Variants in INTS8 observed in about 807,000 individuals in gnomAD.
INTS8 encodes integrator complex subunit 8.
INTS8 carries 47 observed loss-of-function variants against 138.9 expected under a neutral mutation model. The ratio of observed to expected loss-of-function variants is 0.34; its 90% CI spans 0.27 to 0.43. The LOEUF (loss-of-function observed/expected upper bound fraction) is 0.43, where lower values mean the gene tolerates loss of function less well. INTS8 is among the 20% of genes least tolerant of loss of function. The probability of loss-of-function intolerance (pLI) is 1.00; values close to 1 mark genes in which losing one functional copy is unlikely to be tolerated. For missense variants in INTS8, 996 were observed against 1,173.0 expected (o/e 0.85, Z 2.20); for synonymous variants, 392 against 400.9 (o/e 0.98, Z 0.27).
intron 5 of INTS8, among the ~76,000 whole-genome samples, chr8:94,830,916 G>T (rs918748795): frequency 6.6e-6 from 1 of 152,040 alleles, no homozygotes; most frequent in Non-Finnish European, 1.5e-5. Context: ...TTCTGCCTCA[G>T]TCTCCCAGGT....
intron 16 of INTS8, among the ~76,000 whole-genome samples, chr8:94,864,352 A>G (rs1816100060): frequency 6.6e-6 from 1 of 152,168 alleles, no homozygotes; most frequent in Non-Finnish European, 1.5e-5. Flanking sequence ...TATCCTTGCT[A>G]CTGCACCCTC....
intron 2 of INTS8, among the ~76,000 whole-genome samples, chr8:94,826,352 G>T (rs573474012): frequency 2.5e-3 from 387 of 151,788 alleles, no homozygotes; most frequent in Middle Eastern, 0.017. Context: ...CGCGATATTC[G>T]CTCACTGCAA....
At chr8:94,852,101 C>T (rs1004646753) in intron 13 of INTS8, among the ~76,000 whole-genome samples, 3 of 151,988 alleles carry the variant, frequency 2.0e-5, no homozygotes, top group South Asian at 2.1e-4. Context: ...TGTCACCATG[C>T]CCGGCTAATT....
chr8:94,823,291 T>G lies in INTS8; in HGVS notation c.-141T>G. On this transcript the variant is annotated 5_prime_UTR_variant, in exon 1 of 27. Coordinates refer to ENST00000523731, the MANE Select transcript of INTS8 (RefSeq NM_017864.4). ...CAGCTCCGGCTGGCCCGCGCCGCCA[T>G]TTTGGATTGTGTGAGTTTCCGGGAC... 3.6e-5 allele frequency: 54 copies of G among 1,487,144 alleles called. No homozygotes were observed. The highest frequency in any genetic ancestry group is 1.0e-4 in the East Asian group (4 of 38,932). The allele number at this position is 1,487,144 out of a possible 1,614,324, so 92.1% of individuals were successfully genotyped here.
At chr8:94,865,050 G>A (rs563122070) in intron 16 of INTS8, among the ~76,000 whole-genome samples, 1 of 151,556 alleles carries the variant, frequency 6.6e-6, no homozygotes, top group East Asian at 1.9e-4. Context: ...GTATGTGTGT[G>A]TATTTGCACG....
chr8:94,877,659 A>G (rs1816610476), intron 26 of INTS8, among the ~76,000 whole-genome samples: 1 of 152,146 alleles, frequency 6.6e-6, no homozygotes, highest in Admixed American at 6.5e-5. Flanking sequence ...CCTGAGCTTT[A>G]CAAGTCCTTG....
chr8:94,880,200 A>C lies in INTS8; in HGVS notation c.2954A>C (p.Lys985Thr), dbSNP rs915237699. ...LQLAAQRRKK[K>T]FLQAMAKLYF ...CTGGCAGCGCAGAGAAGGAAAAAAAAGTTTCTCCAAGCAATGGCAAAACTT... is the reference window on the plus strand; with the variant it reads ...CTGGCAGCGCAGAGAAGGAAAAAAACGTTTCTCCAAGCAATGGCAAAACTT... Residue 985 changes from lysine (K) to threonine (T), a missense_variant, in exon 27 of 27, where the codon AAG (lysine) becomes ACG (threonine). By Grantham distance (78) the Lys-to-Thr change is moderately conservative. Transcript: ENST00000523731. The C allele has an allele frequency of 6.2e-7, 1 of 1,609,222 alleles. No homozygotes were observed. Among genetic ancestry groups the C allele is most frequent in the South Asian group, 1.1e-5 (1 of 90,170 alleles).
At position 94,857,099 on chromosome 8, in the gene INTS8, G is replaced by T. The variant is rs1011591298; in HGVS notation, c.1954+121G>T. ...TTTTTTTTTTTTTTTTTGAGATGGA[G>T]TGTAGCTCTGTCACCCAGGCTGGAG... is the stretch of plus-strand genomic sequence containing the variant. On this transcript the variant is annotated intron_variant, in intron 15 of 26. Coordinates refer to ENST00000523731, the MANE Select transcript of INTS8 (RefSeq NM_017864.4). The T allele has an allele frequency of 7.3e-5, 52 of 711,184 alleles. No homozygotes were observed. The African/African-American group carries it at 9.4e-4, about 13-fold the overall frequency. 44.1% of individuals were successfully genotyped at this position (711,184 alleles called of 1,614,324 possible).
At chr8:94,832,737 C>T (rs149528670) in intron 6 of INTS8, among the ~76,000 whole-genome samples, 5,107 of 152,094 alleles carry the variant, frequency 0.034, 90 homozygotes, top group Non-Finnish European at 0.04. Context: ...TCACTGCAAA[C>T]TCCGCCTCCC....
intron 10 of INTS8, among the ~76,000 whole-genome samples, chr8:94,843,698 G>A (rs1274974530): frequency 6.6e-6 from 1 of 151,818 alleles, no homozygotes. Context: ...GTTGTTTATA[G>A]TTTTTGCCGC....
At chr8:94,831,056 A>G (rs1168828543) in intron 5 of INTS8, among the ~76,000 whole-genome samples, 1 of 152,128 alleles carries the variant, frequency 6.6e-6, no homozygotes, top group Non-Finnish European at 1.5e-5. Flanking sequence ...TTGGGCTCCT[A>G]AAGTGCTGGG....
At chr8:94,857,016 G>T (rs1276367333) in intron 15 of INTS8, 38 bp downstream of exon 15, 2 of 1,401,126 alleles carry the variant, frequency 1.4e-6, no homozygotes, top group Non-Finnish European at 2.0e-6. Context: ...CAGAAACTCA[G>T]TACTCACATA....
intron 8 of INTS8, among the ~76,000 whole-genome samples, 168 bp downstream of exon 8, chr8:94,838,786 T>C (rs538179302): frequency 1.7e-4 from 26 of 152,240 alleles, no homozygotes; most frequent in African/African-American, 5.8e-4. Flanking sequence ...AAGATTCTTA[T>C]GAGAATCTAG....
Position 94,829,153 on chromosome 8 carries a change from G to C in INTS8, c.570+127G>C, listed in dbSNP as rs1013121041. 2.0e-5 allele frequency: 14 copies of C among 684,388 alleles called. No individual in the cohort carries two copies. The African/African-American group carries it at 2.4e-4, about 12-fold the overall frequency. The allele number at this position is 684,388 out of a possible 1,614,324, so 42.4% of individuals were successfully genotyped here. ...TTCCAGGAAACTGGATGTGGTGTGG[G>C]GGGCGGGGGGCGAGGATGATTTCAG... On this transcript the variant is annotated intron_variant, in intron 5 of 26. Coordinates refer to ENST00000523731, the MANE Select transcript of INTS8 (RefSeq NM_017864.4).
chr8:94,871,932 A>G lies in INTS8; in HGVS notation c.2463A>G (p.Leu821=). The G allele has an allele frequency of 1.9e-6, 3 of 1,610,142 alleles. No individual in the cohort carries two copies. Among genetic ancestry groups the G allele is most frequent in the Non-Finnish European group, 2.5e-6 (3 of 1,176,844 alleles). Reference sequence around the variant, plus strand: ...CTGTGGCAATCACAGTGAAAGAGCTAGTTCGATATACACTCAGTATAAATC... The same window carrying G: ...CTGTGGCAATCACAGTGAAAGAGCTGGTTCGATATACACTCAGTATAAATC... ...FEAVAITVKE[L]VRYTLSINPN... Residue 821 remains leucine, a synonymous_variant, in exon 21 of 27, where the codon CTA becomes CTG. Transcript: ENST00000523731.
At chr8:94,837,547 T>G (rs1338067353) in intron 7 of INTS8, among the ~76,000 whole-genome samples, 1 of 151,938 alleles carries the variant, frequency 6.6e-6, no homozygotes, top group Non-Finnish European at 1.5e-5. Flanking sequence ...AAAACAAATA[T>G]TTTTTCAAAC....
chr8:94,837,483 T>G (rs765875361), intron 7 of INTS8, among the ~76,000 whole-genome samples: 2 of 152,210 alleles, frequency 1.3e-5, no homozygotes, highest in Non-Finnish European at 2.9e-5. Context: ...CATTTTACTT[T>G]GCTAGGAAAT....
intron 4 of INTS8, among the ~76,000 whole-genome samples, chr8:94,828,221 A>G (rs1158418089): frequency 6.6e-6 from 1 of 151,864 alleles, no homozygotes; most frequent in African/African-American, 2.4e-5. Context: ...TGCATTTTTT[A>G]GTAGAGACTG....
chr8:94,827,774 G>C lies in INTS8; in HGVS notation c.499G>C (p.Gly167Arg). The stretch of plus-strand genomic sequence containing the variant: ...TTTTCCAGTCAAACAGGCAAAACCC[G>C]GACCCCCTCAGTTAAGTGTGTAAGT... ...SSFPVKQAKP[G>R]PPQLSVMNQM... Residue 167 changes from glycine (G) to arginine (R), a missense_variant, in exon 4 of 27, where the codon GGA (glycine) becomes CGA (arginine). Gly to Arg is a moderately radical substitution (Grantham distance 125). Coordinates refer to ENST00000523731, the MANE Select transcript of INTS8 (RefSeq NM_017864.4). 6.2e-7 allele frequency: 1 copy of C among 1,613,968 alleles called. No homozygotes were observed. The highest frequency in any genetic ancestry group is 8.5e-7 in the Non-Finnish European group (1 of 1,179,866).
Sources: gnomAD v4.1 joint callset for allele counts (sites outside exome capture counted in the v4.1 genomes callset) on GRCh38, gnomAD v4.1.1 for gene constraint, MANE v1.5 for transcripts, NCBI Gene and HGNC (gene_info 2026-07-23, HGNC 2026-07-21) for gene names.